SGK3: variants seen among roughly 807,000 people sequenced by gnomAD.
SGK3 encodes serine/threonine-protein kinase Sgk3.
A neutral mutation model predicts 68.5 loss-of-function variants in SGK3; 47 were observed. The ratio of observed to expected loss-of-function variants is 0.69; its 90% CI spans 0.54 to 0.87. The LOEUF (loss-of-function observed/expected upper bound fraction) is 0.87. SGK3 is among the 40% of genes least tolerant of loss of function. The probability of loss-of-function intolerance (pLI) is 0.00; values close to 1 mark genes in which losing one functional copy is unlikely to be tolerated. For missense variants in SGK3, 479 were observed against 575.5 expected (o/e 0.83, Z 1.72); for synonymous variants, 181 against 189.1 (o/e 0.96, Z 0.35).
At chr8:66,784,778 G>A (rs958029860) in intron 1 of SGK3, among the ~76,000 whole-genome samples, 1 of 151,964 alleles carries the variant, frequency 6.6e-6, no homozygotes, top group East Asian at 1.9e-4. Flanking sequence ...AAGAATTTGG[G>A]CAATTTTTTA....
At chr8:66,845,646 C>G (rs1036364553) in intron 14 of SGK3, among the ~76,000 whole-genome samples, 1 of 152,090 alleles carries the variant, frequency 6.6e-6, no homozygotes. Flanking sequence ...CCACCTCAGC[C>G]TGCTGAGTAG....
At chr8:66,826,846 T>C (rs1809079143) in intron 6 of SGK3, among the ~76,000 whole-genome samples, 2 of 151,866 alleles carry the variant, frequency 1.3e-5, no homozygotes, top group South Asian at 4.2e-4. Flanking sequence ...GGTTTCACCA[T>C]GTTGGCCAGG....
In SGK3 at chr8:66,849,418, C is replaced by A. The variant is rs937137111; in HGVS notation, c.1231-1413C>A. Among the ~76,000 whole-genome samples the A allele has an allele frequency of 3.3e-5, 5 of 152,126 alleles. No homozygotes were observed. The South Asian group carries it at 1.0e-3, about 32-fold the overall frequency. The stretch of plus-strand genomic sequence containing the variant: ...TTCCATATTCAACAAACAGCCAGTT[C>A]CTTTTTGCTGCCTGAATCTTTCCCA... On this transcript the variant is annotated intron_variant, in intron 15 of 16. Transcript: ENST00000521198.
In SGK3 at chr8:66,822,464, T is replaced by A; in HGVS notation, c.417+5T>A. On this transcript the variant is annotated splice_donor_5th_base_variant and intron_variant, in intron 6 of 16. Transcript: ENST00000521198. ...GATGAAAGAAGTTCTCAGAAGGTAGTAAGAGGAATTGCCTTTCTTAATAGA... is the reference window on the plus strand; with the variant it reads ...GATGAAAGAAGTTCTCAGAAGGTAGAAAGAGGAATTGCCTTTCTTAATAGA... 1.2e-6 allele frequency: 2 copies of A among 1,610,192 alleles called. No homozygotes were observed. The highest frequency in any genetic ancestry group is 1.7e-6 in the Non-Finnish European group (2 of 1,178,282).
intron 1 of SGK3, among the ~76,000 whole-genome samples, chr8:66,783,495 TTG>T (rs538282009): frequency 2.0e-5 from 3 of 152,050 alleles, no homozygotes; most frequent in Admixed American, 6.6e-5. Context: ...CATCTAATTT[TTG>T]TGTGTGTGTG....
intron 1 of SGK3, among the ~76,000 whole-genome samples, chr8:66,781,186 C>T (rs371502324): frequency 1.6e-3 from 236 of 152,230 alleles, no homozygotes; most frequent in South Asian, 0.012. Flanking sequence ...AGCAGGCATT[C>T]TGGTGGTTGG....
chr8:66,721,684 A>C lies in SGK3; in HGVS notation c.-122+8851A>C, dbSNP rs574935733. ...AACTATAAAATTTAAAGCTATTTATAATTTTTTTTTTTTTGCTCATGTCAT... is the reference window on the plus strand; with the variant it reads ...AACTATAAAATTTAAAGCTATTTATCATTTTTTTTTTTTTGCTCATGTCAT... On this transcript the variant is annotated intron_variant, in intron 1 of 16. Transcript: ENST00000521198. 3.5e-5 allele frequency among the ~76,000 whole-genome samples: 5 copies of C among 142,964 alleles called. No homozygotes were observed. The South Asian group carries it at 6.3e-4, about 18-fold the overall frequency. The allele number at this position is 142,964 out of a possible 152,430, so 93.8% of individuals were successfully genotyped here. A position where few individuals can be genotyped will look rare whatever the true frequency, so the allele number is the denominator to read the frequency against.
chr8:66,738,298 A>T (rs1805382054), intron 1 of SGK3, among the ~76,000 whole-genome samples: 1 of 152,138 alleles, frequency 6.6e-6, no homozygotes, highest in African/African-American at 2.4e-5. Flanking sequence ...TGCTTCTTTC[A>T]GTGGCCCCCT....
intron 1 of SGK3, among the ~76,000 whole-genome samples, chr8:66,785,930 T>A (rs1369174704): frequency 6.6e-6 from 1 of 152,228 alleles, no homozygotes; most frequent in Non-Finnish European, 1.5e-5. Context: ...TGAAGGCAGA[T>A]CCTTTTCCTG....
At chr8:66,738,189 C>G (rs2130387894) in intron 1 of SGK3, among the ~76,000 whole-genome samples, 1 of 152,216 alleles carries the variant, frequency 6.6e-6, no homozygotes, top group Non-Finnish European at 1.5e-5. Context: ...TGTATTTCAT[C>G]ATTTACAAAG....
rs1473086261 is a variant in SGK3, at chr8:66,847,338, A to G, written c.1220A>G (p.Lys407Arg). ...EKDRQNRLGA[K>R]EDFLEIQNHP... The stretch of plus-strand genomic sequence containing the variant: ...GACAGGCAAAATCGACTTGGTGCCA[A>G]GGAAGACTTTGTATGTAACAGCTTT... The change falls in exon 15 of 17, where the codon AAG (lysine) becomes AGG (arginine). Residue 407 changes from lysine to arginine, a missense_variant. Coordinates refer to ENST00000521198, the MANE Select transcript of SGK3 (RefSeq NM_001033578.3). 3 of 1,613,544 alleles carry G rather than the reference A, an allele frequency of 1.9e-6. No individual in the cohort carries two copies. The highest frequency in any genetic ancestry group is 2.2e-5 in the East Asian group (1 of 44,878).
chr8:66,782,326 CT>C (rs777169731), intron 1 of SGK3, among the ~76,000 whole-genome samples: 108 of 143,580 alleles, frequency 7.5e-4, no homozygotes, highest in Admixed American at 1.2e-3. Flanking sequence ...ATGTGTATGG[CT>C]TTTTTTTTTT....
intron 1 of SGK3, among the ~76,000 whole-genome samples, chr8:66,769,290 C>T (rs138838807): frequency 0.044 from 6,764 of 152,228 alleles, 202 homozygotes; most frequent in African/African-American, 0.085. Context: ...GTGGCACAAT[C>T]TCAGCTCACT....
rs368539082 is a variant in SGK3, at chr8:66,798,161, C to A, written c.97-381C>A. On this transcript the variant is annotated intron_variant, in intron 2 of 16. Transcript: ENST00000521198. ...GTAGCTGGGACTACAGGCGTGTACA[C>A]CATGCCCAGCTAATTTTTAAATTTT... Among the ~76,000 whole-genome samples, 73 of 152,002 alleles carry A rather than the reference C, an allele frequency of 4.8e-4. 1 individual carries two copies. Among genetic ancestry groups the A allele is most frequent in the Middle Eastern group, 3.4e-3 (1 of 294 alleles).
chr8:66,784,068 T>G (rs1240974899), intron 1 of SGK3, among the ~76,000 whole-genome samples: 1 of 151,918 alleles, frequency 6.6e-6, no homozygotes, highest in African/African-American at 2.4e-5. Flanking sequence ...CGGCTAATTT[T>G]TAAACTTTTT....
intron 16 of SGK3, among the ~76,000 whole-genome samples, chr8:66,851,986 G>C (rs1318084100): frequency 6.6e-6 from 1 of 152,128 alleles, no homozygotes; most frequent in East Asian, 1.9e-4. Flanking sequence ...CTGGATAGTA[G>C]AGCCAGGATT....
At chr8:66,788,673 C>T (rs1462372264) in intron 1 of SGK3, among the ~76,000 whole-genome samples, 1 of 152,122 alleles carries the variant, frequency 6.6e-6, no homozygotes, top group Non-Finnish European at 1.5e-5. Flanking sequence ...ATTTGTTTTA[C>T]CTCTTTCTCA....
At chr8:66,767,626 C>T (rs1563616742) in intron 1 of SGK3, 1 of 1,370,504 alleles carries the variant, frequency 7.3e-7, no homozygotes, top group Non-Finnish European at 1.0e-6. Flanking sequence ...CAGGTCAAAA[C>T]TCTCGAAGCC....
At chr8:66,765,007 G>T (rs1806276142) in intron 1 of SGK3, among the ~76,000 whole-genome samples, 2 of 152,170 alleles carry the variant, frequency 1.3e-5, no homozygotes, top group Non-Finnish European at 2.9e-5. Flanking sequence ...GAACAGTGCT[G>T]CTGTGAACAA....
Sources: gnomAD v4.1 joint callset for allele counts (sites outside exome capture counted in the v4.1 genomes callset) on GRCh38, gnomAD v4.1.1 for gene constraint, MANE v1.5 for transcripts, NCBI Gene and HGNC (gene_info 2026-07-23, HGNC 2026-07-21) for gene names.